Variants in KSR1 observed in about 807,000 individuals in gnomAD.
KSR1 encodes kinase suppressor of ras.
In KSR1, 35 loss-of-function variants were observed where a neutral mutation model predicts 92.9. The ratio of observed to expected loss-of-function variants is 0.38; its 90% CI spans 0.29 to 0.50. KSR1 has a LOEUF of 0.50. Among genes scored for constraint, KSR1 ranks in the 20% least tolerant of loss-of-function variants. The pLI, the probability that KSR1 is intolerant of heterozygous loss-of-function variation, is 0.94. For missense variants in KSR1, 972 were observed against 1,158.5 expected (o/e 0.84, Z 2.34); for synonymous variants, 467 against 472.6 (o/e 0.99, Z 0.15).
intron 1 of KSR1, among the ~76,000 whole-genome samples, chr17:27,462,165 T>C (rs1296523636): frequency 6.6e-6 from 1 of 152,182 alleles, no homozygotes; most frequent in African/African-American, 2.4e-5. Flanking sequence ...TCGGCATATG[T>C]TGCACCTTAA....
At chr17:27,533,165 C>G (rs1308648852) in intron 1 of KSR1, among the ~76,000 whole-genome samples, 1 of 152,206 alleles carries the variant, frequency 6.6e-6, no homozygotes, top group East Asian at 1.9e-4. Flanking sequence ...TGCTCTGCCA[C>G]TTACTAGCCG....
intron 18 of KSR1, among the ~76,000 whole-genome samples, chr17:27,616,591 C>T (rs2074061561): frequency 6.6e-6 from 1 of 152,174 alleles, no homozygotes; most frequent in Admixed American, 6.5e-5. Context: ...CGGCAGGCAA[C>T]CCCATGGGGT....
intron 6 of KSR1, among the ~76,000 whole-genome samples, chr17:27,589,191 G>A (rs914818991): frequency 2.6e-5 from 4 of 152,172 alleles, no homozygotes; most frequent in East Asian, 1.9e-4. Context: ...TTTACACGGC[G>A]TATCTGTGAT....
intron 14 of KSR1, among the ~76,000 whole-genome samples, chr17:27,607,679 C>T (rs1041233496): frequency 2.6e-5 from 4 of 152,108 alleles, no homozygotes; most frequent in African/African-American, 7.2e-5. Context: ...CAGGCACTGG[C>T]TCTCAGGGAA....
chr17:27,585,849 G>C (rs1006786847), intron 5 of KSR1, 188 bp downstream of exon 5: 1 of 630,784 alleles, frequency 1.6e-6, no homozygotes, highest in Middle Eastern at 2.6e-4. Context: ...TGACTGGCTG[G>C]CTTCAGCCCA....
intron 1 of KSR1, among the ~76,000 whole-genome samples, chr17:27,547,342 G>A (rs1342575535): frequency 6.6e-6 from 1 of 152,230 alleles, no homozygotes; most frequent in Non-Finnish European, 1.5e-5. Flanking sequence ...GGGGTCCATC[G>A]ATGAACGTAG....
chr17:27,617,392 G>A lies in KSR1; in HGVS notation c.2591G>A (p.Arg864Gln). 4.3e-6 allele frequency: 7 copies of A among 1,612,736 alleles called. No individual in the cohort carries two copies. Among genetic ancestry groups the A allele is most frequent in the Non-Finnish European group, 5.9e-6 (7 of 1,179,220 alleles). Residue 864 changes from arginine to glutamine, a missense_variant, in exon 19 of 21, where the codon CGG becomes CAG. Arg to Gln is a conservative substitution (Grantham distance 43). Around this residue, in one of 5 missense-constraint regions of KSR1, gnomAD observed 46 missense variants for 39.0 expected, o/e 1.18. Coordinates refer to ENST00000644974, the MANE Select transcript of KSR1 (RefSeq NM_001394583.1). ...MLEKLPKLNR[R>Q]LSHPGHFWKS... Reference sequence around the variant, plus strand: ...GAGAAACTTCCCAAGCTGAACCGGCGGCTCTCCCACCCTGGACACTTCTGG... The same window carrying A: ...GAGAAACTTCCCAAGCTGAACCGGCAGCTCTCCCACCCTGGACACTTCTGG...
At chr17:27,519,224 A>G (rs930280075) in intron 1 of KSR1, among the ~76,000 whole-genome samples, 1 of 152,098 alleles carries the variant, frequency 6.6e-6, no homozygotes, top group African/African-American at 2.4e-5. Context: ...TGCAGAAAGG[A>G]ATTCTGAGGC....
chr17:27,582,474 G>A (rs2151167755), intron 3 of KSR1, among the ~76,000 whole-genome samples, 172 bp from the exon 4 acceptor site: 1 of 152,278 alleles, frequency 6.6e-6, no homozygotes, highest in South Asian at 2.1e-4. Flanking sequence ...TAGATAATGT[G>A]TGCGCATGAG....
chr17:27,557,813 C>G (rs1714029607), intron 2 of KSR1, among the ~76,000 whole-genome samples: 1 of 152,170 alleles, frequency 6.6e-6, no homozygotes, highest in Non-Finnish European at 1.5e-5. Context: ...CCTTGCCTCT[C>G]AGATGTGTCT....
intron 1 of KSR1, chr17:27,483,884 A>C (rs2068587050): frequency 6.6e-6 from 1 of 152,240 alleles, no homozygotes; most frequent in Non-Finnish European, 1.5e-5. Flanking sequence ...GTCCATTGTA[A>C]TAATGCGTCT....
intron 1 of KSR1, among the ~76,000 whole-genome samples, chr17:27,547,950 T>C (rs1208948866): frequency 6.6e-6 from 1 of 152,170 alleles, no homozygotes; most frequent in Non-Finnish European, 1.5e-5. Flanking sequence ...TGATTTTAAG[T>C]GATCCACCTG....
rs866189075 is a variant in KSR1, at chr17:27,626,329, T to G, written c.*2937T>G. On this transcript the variant is annotated 3_prime_UTR_variant, in exon 21 of 21. Coordinates refer to ENST00000644974, the MANE Select transcript of KSR1 (RefSeq NM_001394583.1). ...TTAATTTAAATTAAAATGGTTAGTA[T>G]TAACAAACATGCTGTATCGGGTTTT... 6.6e-6 allele frequency: 1 copy of G among 152,238 alleles called. No individual in the cohort carries two copies. The highest frequency in any genetic ancestry group is 2.4e-5 in the African/African-American group (1 of 41,438). 9.4% of individuals were successfully genotyped at this position (152,238 alleles called of 1,614,324 possible).
At chr17:27,460,450 G>T (rs2019379698) in intron 1 of KSR1, among the ~76,000 whole-genome samples, 1 of 152,172 alleles carries the variant, frequency 6.6e-6, no homozygotes, top group Non-Finnish European at 1.5e-5. Flanking sequence ...TAAGCAAGCT[G>T]GCGTGGAGAA....
At chr17:27,594,626 G>C (rs1447419205) in intron 9 of KSR1, among the ~76,000 whole-genome samples, 1 of 152,198 alleles carries the variant, frequency 6.6e-6, no homozygotes. Flanking sequence ...GGATCCCACT[G>C]AAGGTTGCTA....
chr17:27,518,893 C>T (rs745969930), intron 1 of KSR1, among the ~76,000 whole-genome samples: 34 of 152,204 alleles, frequency 2.2e-4, no homozygotes, highest in Non-Finnish European at 4.6e-4. Flanking sequence ...GTGGCCTGCA[C>T]TGGCTGGTTC....
intron 1 of KSR1, among the ~76,000 whole-genome samples, chr17:27,518,673 A>C (rs895484923): frequency 5.9e-5 from 9 of 152,162 alleles, no homozygotes; most frequent in Admixed American, 3.3e-4. Flanking sequence ...GGGAAAGTGG[A>C]CGTAGGAGCA....
Position 27,623,452 on chromosome 17 carries a change from C to A in KSR1, c.*60C>A, listed in dbSNP as rs751333784. The stretch of plus-strand genomic sequence containing the variant: ...TTTTTAAAATGTGTTTCTGAAACAT[C>A]CCAACAACCACCACGACAAAAAAAC... On this transcript the variant is annotated 3_prime_UTR_variant, in exon 21 of 21. Coordinates refer to ENST00000644974, the MANE Select transcript of KSR1 (RefSeq NM_001394583.1). 3 of 721,460 alleles carry A rather than the reference C, an allele frequency of 4.2e-6. No homozygotes were observed. The East Asian group carries it at 7.6e-5, about 18-fold the overall frequency. 44.7% of individuals were successfully genotyped at this position (721,460 alleles called of 1,614,324 possible).
intron 1 of KSR1, among the ~76,000 whole-genome samples, chr17:27,538,388 A>G (rs2070828830): frequency 6.6e-6 from 1 of 152,130 alleles, no homozygotes; most frequent in South Asian, 2.1e-4. Flanking sequence ...TCTGTTTTCA[A>G]AATGGGCAGG....
Sources: allele counts gnomAD v4.1 joint callset (sites outside exome capture counted in the v4.1 genomes callset), GRCh38; gene constraint gnomAD v4.1.1; regional missense constraint gnomAD v4.1.1; transcripts MANE v1.5; gene names NCBI Gene and HGNC (gene_info 2026-07-23, HGNC 2026-07-21).